TMEM108: variants seen among roughly 807,000 people sequenced by gnomAD.
TMEM108 encodes cancer/testis antigen 124.
Under a neutral mutation model 35.1 loss-of-function variants are expected in TMEM108, and 12 were observed. The observed-to-expected ratio is 0.34, with a 90% CI of 0.22 to 0.55. The LOEUF (loss-of-function observed/expected upper bound fraction) is 0.55, where lower values mean the gene tolerates loss of function less well. Ranked by LOEUF, TMEM108 falls within the 20% of genes least tolerant of loss-of-function variation. The pLI, the probability that TMEM108 is intolerant of heterozygous loss-of-function variation, is 0.89. For missense variants in TMEM108, 680 were observed against 753.3 expected (o/e 0.90, Z 1.14); for synonymous variants, 287 against 308.6 (o/e 0.93, Z 0.73).
At chr3:133,212,199 A>G (rs1042840664) in intron 2 of TMEM108, among the ~76,000 whole-genome samples, 2 of 152,178 alleles carry the variant, frequency 1.3e-5, no homozygotes, top group African/African-American at 4.8e-5. Flanking sequence ...GGAATTACAC[A>G]GTCCTCTTTC....
chr3:133,341,835 A>T (rs2071669670), intron 3 of TMEM108, among the ~76,000 whole-genome samples: 1 of 151,996 alleles, frequency 6.6e-6, no homozygotes, highest in Non-Finnish European at 1.5e-5. Flanking sequence ...CCATATGCAG[A>T]AGAATGAAAC....
rs77981300 is a variant in TMEM108, at chr3:133,273,367, G to A, written c.40+44016G>A. Among the ~76,000 whole-genome samples, 945 of 152,198 alleles carry A rather than the reference G, an allele frequency of 6.2e-3. 12 individuals are homozygous for A. The highest frequency in any genetic ancestry group is 0.021 in the African/African-American group (888 of 41,526). On this transcript the variant is annotated intron_variant, in intron 3 of 5. Transcript: ENST00000321871. ...TCCAGACTCTTAGATTCTTTCTTTT[G>A]TTCATTCATCAGAAGCCTTGGATTT...
chr3:133,129,356 C>G lies in TMEM108; in HGVS notation c.-47+83336C>G, dbSNP rs1354952372. ...CAAGACTCCGCACCCACACCCCCCC[C>G]CCCAAAAAAAAATAAACGAAACACT... is the stretch of plus-strand genomic sequence containing the variant. On this transcript the variant is annotated intron_variant, in intron 2 of 5. Transcript: ENST00000321871. 2.2e-5 allele frequency among the ~76,000 whole-genome samples: 3 copies of G among 134,558 alleles called. No homozygotes were observed. In the East Asian group the frequency reaches 6.4e-4, roughly 29 times the overall value. 88.3% of individuals were successfully genotyped at this position (134,558 alleles called of 152,430 possible). A position where few individuals can be genotyped will look rare whatever the true frequency, so the allele number is the denominator to read the frequency against.
intron 2 of TMEM108, among the ~76,000 whole-genome samples, chr3:133,051,068 T>C (rs1388378219): frequency 1.3e-5 from 2 of 152,060 alleles, no homozygotes; most frequent in East Asian, 3.8e-4. Context: ...AGAGTATGTT[T>C]TATTTAGTAA....
chr3:133,082,866 C>CTGGT (rs911481800), intron 2 of TMEM108, among the ~76,000 whole-genome samples: 4 of 152,096 alleles, frequency 2.6e-5, no homozygotes, highest in Non-Finnish European at 5.9e-5. Flanking sequence ...ATCGTCCAGG[C>CTGGT]TGGTCTTGAA....
chr3:133,074,324 A>C (rs1309417400), intron 2 of TMEM108: 1 of 152,124 alleles, frequency 6.6e-6, no homozygotes, highest in Non-Finnish European at 1.5e-5. Flanking sequence ...GATGCTTTTC[A>C]ACTTATGGTG....
chr3:133,225,338 G>A (rs79362954), intron 2 of TMEM108, among the ~76,000 whole-genome samples: 1 of 151,936 alleles, frequency 6.6e-6, no homozygotes, highest in Admixed American at 6.6e-5. Context: ...AAGCCACCGC[G>A]CCCAGCCCCT....
intron 2 of TMEM108, among the ~76,000 whole-genome samples, chr3:133,188,105 G>T (rs1945447898): frequency 6.6e-6 from 1 of 152,126 alleles, no homozygotes; most frequent in Admixed American, 6.6e-5. Flanking sequence ...TGACACTGAG[G>T]AATGTTATTA....
intron 5 of TMEM108, among the ~76,000 whole-genome samples, chr3:133,394,643 G>A (rs755022221): frequency 6.6e-6 from 1 of 152,222 alleles, no homozygotes; most frequent in African/African-American, 2.4e-5. Context: ...GCATGGTGGA[G>A]GAAAGGGATT....
chr3:133,211,562 G>A (rs1029956014), intron 2 of TMEM108, among the ~76,000 whole-genome samples: 8 of 152,124 alleles, frequency 5.3e-5, no homozygotes, highest in African/African-American at 1.9e-4. Flanking sequence ...AGTATGATAC[G>A]TATTCTTCAC....
At chr3:133,041,833 C>T (rs1281573436) in intron 1 of TMEM108, 1 of 152,186 alleles carries the variant, frequency 6.6e-6, no homozygotes, top group Non-Finnish European at 1.5e-5. Flanking sequence ...ATACATGTGA[C>T]TTTTAAACCT....
At chr3:133,304,487 G>T (rs1362618376) in intron 3 of TMEM108, among the ~76,000 whole-genome samples, 1 of 151,908 alleles carries the variant, frequency 6.6e-6, no homozygotes, top group African/African-American at 2.4e-5. Context: ...TCTTTATTGT[G>T]CCCATTTATA....
At chr3:133,309,846 G>C (rs1478887545) in intron 3 of TMEM108, among the ~76,000 whole-genome samples, 1 of 151,634 alleles carries the variant, frequency 6.6e-6, no homozygotes, top group African/African-American at 2.4e-5. Context: ...GACTACAGGC[G>C]CCAGCCGCTA....
At chr3:133,201,219 T>C (rs1185676163) in intron 2 of TMEM108, among the ~76,000 whole-genome samples, 2 of 152,200 alleles carry the variant, frequency 1.3e-5, no homozygotes, top group African/African-American at 4.8e-5. Context: ...TATTAAATTT[T>C]AGACTCATCC....
At chr3:133,162,700 T>C (rs141994727) in intron 2 of TMEM108, among the ~76,000 whole-genome samples, 3 of 152,252 alleles carry the variant, frequency 2.0e-5, no homozygotes, top group Non-Finnish European at 4.4e-5. Flanking sequence ...GCATCTTTTC[T>C]GAGCCCTTGG....
At chr3:133,113,640 G>A (rs1445472097) in intron 2 of TMEM108, among the ~76,000 whole-genome samples, 2 of 151,970 alleles carry the variant, frequency 1.3e-5, no homozygotes, top group Non-Finnish European at 2.9e-5. Flanking sequence ...TATCAAAATG[G>A]CCTTGTCAAG....
At chr3:133,194,736 G>T (rs6786923) in intron 2 of TMEM108, among the ~76,000 whole-genome samples, 1 of 152,150 alleles carries the variant, frequency 6.6e-6, no homozygotes, top group African/African-American at 2.4e-5. Flanking sequence ...AAAGGCTTTA[G>T]ATCTCCTTCC....
chr3:133,086,785 G>A (rs1322083053), intron 2 of TMEM108, among the ~76,000 whole-genome samples: 1 of 152,184 alleles, frequency 6.6e-6, no homozygotes, highest in African/African-American at 2.4e-5. Context: ...GTTAGCAGAA[G>A]GTAGAGCTCT....
At chr3:133,340,263 A>T (rs554052049) in intron 3 of TMEM108, among the ~76,000 whole-genome samples, 1 of 151,970 alleles carries the variant, frequency 6.6e-6, no homozygotes, top group South Asian at 2.1e-4. Context: ...ATTACAGCTG[A>T]TACTGCAGAA....
Sources: allele counts gnomAD v4.1 joint callset (sites outside exome capture counted in the v4.1 genomes callset), GRCh38; gene constraint gnomAD v4.1.1; transcripts MANE v1.5; gene names NCBI Gene and HGNC (gene_info 2026-07-23, HGNC 2026-07-21).